The following IL7 variants were observed in gnomAD, a reference collection of about 807,000 sequenced individuals.
IL7 encodes interleukin 7.
A neutral mutation model predicts 21.6 loss-of-function variants in IL7; 3 were observed. That is an observed-to-expected ratio of 0.14 (90% CI 0.06 to 0.36). IL7 has a LOEUF of 0.36. IL7 is among the 10% of genes least tolerant of loss of function. IL7 has a pLI of 1.00. For synonymous variants in IL7, 62 were observed against 68.1 expected, an observed-to-expected ratio of 0.91 and a Z score of 0.44; for missense variants, 175 against 200.2, an observed-to-expected ratio of 0.87 and a Z score of 0.76.
chr8:78,788,030 T>C (rs1378347735), intron 2 of IL7, among the ~76,000 whole-genome samples: 1 of 152,204 alleles, frequency 6.6e-6, no homozygotes, highest in African/African-American at 2.4e-5. Flanking sequence ...GATAAGTTAA[T>C]GCATAAAATT....
rs1174067275 is a variant in IL7, at chr8:78,805,020, A to C, written c.-98T>G. The C allele has an allele frequency of 7.3e-7, 1 of 1,364,192 alleles. No individual in the cohort carries two copies. 84.5% of individuals were successfully genotyped at this position (1,364,192 alleles called of 1,614,324 possible). ...CTCCCAGGACCCTGGTCTTCCGCGG[A>C]GTTGCCGAGTCTGTGTTGGGCAGGG... is the stretch of plus-strand genomic sequence containing the variant. On this transcript the variant is annotated 5_prime_UTR_variant, in exon 1 of 6. Coordinates refer to ENST00000263851, the MANE Select transcript of IL7 (RefSeq NM_000880.4).
Position 78,686,126 on chromosome 8 carries a change from C to G in IL7, n.215-179G>C, listed in dbSNP as rs554331439. ...AATCACCTTTCAGATGTCCCCACCT[C>G]GTACTACTGTTATAATGGCAATTAC... On this transcript the variant is annotated intron_variant and non_coding_transcript_variant, in intron 3 of 4. Coordinates refer to the IL7 transcript ENST00000523959. Among the ~76,000 whole-genome samples, 29 of 152,276 alleles carry G rather than the reference C, an allele frequency of 1.9e-4. 1 individual carries two copies. The highest frequency in any genetic ancestry group is 1.5e-3 in the Admixed American group (23 of 15,278).
intron 5 of IL7, 33 bp from the exon 6 acceptor site, chr8:78,733,865 A>C (rs776083670): frequency 7.4e-7 from 1 of 1,345,634 alleles, no homozygotes; most frequent in African/African-American, 1.5e-5. Context: ...TTTAAACTTC[A>C]CATTTTTACA....
At chr8:78,777,222 C>G (rs12674983) in intron 2 of IL7, among the ~76,000 whole-genome samples, 1,638 of 151,996 alleles carry the variant, frequency 0.011, 16 homozygotes, top group South Asian at 0.031. Flanking sequence ...ATAAAAATAC[C>G]AATATAGTAA....
intron 3 of IL7, among the ~76,000 whole-genome samples, chr8:78,700,778 T>G (rs976127132): frequency 1.3e-4 from 20 of 152,220 alleles, no homozygotes; most frequent in African/African-American, 4.8e-4. Context: ...TTCCATTGCT[T>G]ATTTTTGTCA....
intron 1 of IL7, among the ~76,000 whole-genome samples, chr8:78,802,063 C>T (rs1475935352): frequency 6.6e-6 from 1 of 152,212 alleles, no homozygotes; most frequent in Non-Finnish European, 1.5e-5. Context: ...CTTACTTCCC[C>T]TGAAGAGGCT....
intron 2 of IL7, among the ~76,000 whole-genome samples, chr8:78,754,993 C>A (rs1406557522): frequency 2.0e-5 from 3 of 151,994 alleles, no homozygotes; most frequent in African/African-American, 7.2e-5. Flanking sequence ...TTATCCATTT[C>A]AAGTTGATTC....
intron 2 of IL7, among the ~76,000 whole-genome samples, chr8:78,753,073 A>G (rs960562534): frequency 3.4e-4 from 52 of 152,084 alleles, no homozygotes; most frequent in African/African-American, 1.2e-3. Flanking sequence ...GTGTCTTTAT[A>G]GTAGAATGAT....
chr8:78,725,156 T>C (rs936211300), intron 3 of IL7, among the ~76,000 whole-genome samples: 1 of 152,018 alleles, frequency 6.6e-6, no homozygotes, highest in South Asian at 2.1e-4. Context: ...GGAGTATTCA[T>C]GTGACTTGGG....
At chr8:78,707,168 G>A (rs1381349129) in intron 3 of IL7, among the ~76,000 whole-genome samples, 1 of 152,126 alleles carries the variant, frequency 6.6e-6, no homozygotes, top group Admixed American at 6.5e-5. Flanking sequence ...CTCCATGTTA[G>A]GTAACAATAT....
chr8:78,760,235 G>A (rs1341566070), intron 2 of IL7: 7 of 1,602,966 alleles, frequency 4.4e-6, no homozygotes, highest in East Asian at 4.5e-5. Flanking sequence ...AATCCAGGTC[G>A]TGTTTTATAT....
chr8:78,804,693 C>T (rs1814244824), intron 1 of IL7, among the ~76,000 whole-genome samples: 1 of 152,238 alleles, frequency 6.6e-6, no homozygotes, highest in South Asian at 2.1e-4. Flanking sequence ...TACTCGCAGC[C>T]TGCCAGGGGC....
At chr8:78,699,436 TA>T in intron 3 of IL7, among the ~76,000 whole-genome samples, 1 of 152,302 alleles carries the variant, frequency 6.6e-6, no homozygotes, top group East Asian at 1.9e-4. Context: ...TTCAGTTGAT[TA>T]ATGAAATACA....
intron 5 of IL7, among the ~76,000 whole-genome samples, chr8:78,734,670 G>A (rs1811512563): frequency 6.6e-6 from 1 of 152,162 alleles, no homozygotes; most frequent in Non-Finnish European, 1.5e-5. Flanking sequence ...GTAAATGGAT[G>A]TGCAAGCAAT....
chr8:78,755,677 A>C (rs1353679432), intron 2 of IL7, among the ~76,000 whole-genome samples: 1 of 151,884 alleles, frequency 6.6e-6, no homozygotes, highest in African/African-American at 2.4e-5. Flanking sequence ...CTCGTATGTT[A>C]ATTTTGTATC....
At chr8:78,756,478 T>C (rs1812353453) in intron 2 of IL7, among the ~76,000 whole-genome samples, 1 of 151,952 alleles carries the variant, frequency 6.6e-6, no homozygotes, top group Non-Finnish European at 1.5e-5. Context: ...AATTTTATTA[T>C]TGATTCAGTC....
At chr8:78,687,218 T>G (rs1810011077) in intron 3 of IL7, among the ~76,000 whole-genome samples, 1 of 151,966 alleles carries the variant, frequency 6.6e-6, no homozygotes, top group Non-Finnish European at 1.5e-5. Context: ...ACATTCCTTA[T>G]TAGAGCAGCC....
chr8:78,688,848 A>G (rs1172461109), intron 3 of IL7, among the ~76,000 whole-genome samples: 3 of 152,116 alleles, frequency 2.0e-5, no homozygotes, highest in Non-Finnish European at 2.9e-5. Flanking sequence ...AACGTCATGT[A>G]TTATTACTTC....
intron 1 of IL7, among the ~76,000 whole-genome samples, chr8:78,799,973 TTAATA>T (rs1416240623): frequency 6.6e-6 from 1 of 152,146 alleles, no homozygotes; most frequent in East Asian, 1.9e-4. Flanking sequence ...TAATACATAT[TTAATA>T]TACTGTACAG....
Sources: gnomAD v4.1 joint callset for allele counts (sites outside exome capture counted in the v4.1 genomes callset) on GRCh38, gnomAD v4.1.1 for gene constraint, MANE v1.5 for transcripts, NCBI Gene and HGNC (gene_info 2026-07-23, HGNC 2026-07-21) for gene names.